Variants in CEP350 observed in about 807,000 individuals in gnomAD.
CEP350 encodes the protein centrosome-associated protein 350.
In CEP350, 126 loss-of-function variants were observed where a neutral mutation model predicts 331.8. The observed-to-expected ratio is 0.38, with a 90% CI of 0.33 to 0.44. The LOEUF (loss-of-function observed/expected upper bound fraction) is 0.44, where lower values mean the gene tolerates loss of function less well. Ranked by LOEUF, CEP350 falls within the 20% of genes least tolerant of loss-of-function variation. CEP350 has a pLI of 1.00. For synonymous variants in CEP350, 1,200 were observed against 1,259.5 expected, an observed-to-expected ratio of 0.95 and a Z score of 1.00; for missense variants, 3,406 against 3,634.6, an observed-to-expected ratio of 0.94 and a Z score of 1.62.
chr1:179,969,548 AG>A (rs1358975870), intron 1 of CEP350: 2 of 365,172 alleles, frequency 5.5e-6, no homozygotes, highest in Non-Finnish European at 1.1e-5. Flanking sequence ...ACATGGAAAC[AG>A]GGTTGATGGA....
At chr1:180,082,643 CAT>C (rs1208665361) in intron 30 of CEP350, among the ~76,000 whole-genome samples, 2 of 152,136 alleles carry the variant, frequency 1.3e-5, no homozygotes, top group East Asian at 1.9e-4. Flanking sequence ...TACTTAAAAA[CAT>C]AAACATTTTC....
chr1:180,076,940 A>G (rs1659255623), intron 28 of CEP350, among the ~76,000 whole-genome samples: 1 of 152,250 alleles, frequency 6.6e-6, no homozygotes. Flanking sequence ...ACTTAATGAT[A>G]AAATATAGAA....
intron 6 of CEP350, among the ~76,000 whole-genome samples, 170 bp downstream of exon 6, chr1:179,997,345 T>C (rs1263477365): frequency 6.6e-6 from 1 of 151,916 alleles, no homozygotes; most frequent in Non-Finnish European, 1.5e-5. Flanking sequence ...ATCAAGACCA[T>C]CCTGGCTAAC....
chr1:179,988,866 G>A (rs1271179753), intron 3 of CEP350, among the ~76,000 whole-genome samples: 1 of 151,976 alleles, frequency 6.6e-6, no homozygotes, highest in African/African-American at 2.4e-5. Context: ...TCCCAATGCA[G>A]AGTCATATTT....
intron 9 of CEP350, 47 bp downstream of exon 9, chr1:180,012,122 T>C: frequency 6.8e-7 from 1 of 1,469,670 alleles, no homozygotes; most frequent in South Asian, 1.3e-5. Flanking sequence ...TAAAAATTGC[T>C]ATTAAGTACT....
intron 14 of CEP350, among the ~76,000 whole-genome samples, chr1:180,025,798 T>C (rs992073523): frequency 2.6e-5 from 4 of 152,056 alleles, no homozygotes; most frequent in Admixed American, 1.3e-4. Flanking sequence ...ACCTAATGCA[T>C]GCGGGGCTTA....
intron 25 of CEP350, among the ~76,000 whole-genome samples, chr1:180,059,606 A>G (rs6676989): frequency 0.81 from 122,375 of 151,270 alleles, 49,802 homozygotes; most frequent in Admixed American, 0.87. Context: ...GTATTTGTGC[A>G]CTTGTTTGAA....
At chr1:180,018,864 T>C (rs895097959) in intron 11 of CEP350, among the ~76,000 whole-genome samples, 3 of 151,088 alleles carry the variant, frequency 2.0e-5, no homozygotes, top group African/African-American at 7.3e-5. Context: ...TTTCTTTTTT[T>C]TTTTTTTTTT....
intron 11 of CEP350, among the ~76,000 whole-genome samples, chr1:180,016,383 G>C (rs766910846): frequency 6.6e-6 from 1 of 152,102 alleles, no homozygotes; most frequent in Non-Finnish European, 1.5e-5. Context: ...GCTACCTTTG[G>C]ATATGCTTGT....
At chr1:180,030,960 C>T (rs893113326) in intron 14 of CEP350, among the ~76,000 whole-genome samples, 1 of 152,098 alleles carries the variant, frequency 6.6e-6, no homozygotes, top group Non-Finnish European at 1.5e-5. Flanking sequence ...GCAGTTGGTA[C>T]GATTTTTCTC....
chr1:180,024,379 A>G, intron 13 of CEP350, 40 bp from the exon 14 acceptor site: 1 of 1,561,682 alleles, frequency 6.4e-7, no homozygotes, highest in Non-Finnish European at 8.7e-7. Context: ...GTGTTGTAAG[A>G]CTTTTCTTTC....
intron 11 of CEP350, 73 bp from the exon 12 acceptor site, chr1:180,019,876 A>G (rs1655209754): frequency 1.4e-6 from 2 of 1,406,362 alleles, no homozygotes; most frequent in Admixed American, 4.7e-5. Flanking sequence ...CATTACTCTT[A>G]TAATCAGATA....
chr1:179,971,309 G>T (rs1284043752), intron 1 of CEP350, among the ~76,000 whole-genome samples: 2 of 152,100 alleles, frequency 1.3e-5, no homozygotes, highest in East Asian at 1.9e-4. Flanking sequence ...GATTATAGGC[G>T]TGAGCCACTG....
chr1:179,975,311 C>T (rs970525886), intron 1 of CEP350, among the ~76,000 whole-genome samples: 1 of 152,108 alleles, frequency 6.6e-6, no homozygotes, highest in African/African-American at 2.4e-5. Context: ...AAGTGTCCAT[C>T]ATGCTAAGGA....
At chr1:180,076,795 A>G (rs1213666128) in intron 28 of CEP350, among the ~76,000 whole-genome samples, 1 of 152,186 alleles carries the variant, frequency 6.6e-6, no homozygotes, top group Non-Finnish European at 1.5e-5. Flanking sequence ...TCTCAAAAAA[A>G]TGAATCAATA....
At chr1:180,056,712 T>G (rs959312201) in intron 25 of CEP350, among the ~76,000 whole-genome samples, 1 of 152,066 alleles carries the variant, frequency 6.6e-6, no homozygotes, top group African/African-American at 2.4e-5. Context: ...TCCCCCCACG[T>G]TGGCCTCCCA....
chr1:180,008,808 A>C (rs1654425654), intron 8 of CEP350, among the ~76,000 whole-genome samples: 1 of 152,118 alleles, frequency 6.6e-6, no homozygotes, highest in African/African-American at 2.4e-5. Context: ...ATGTTATGAG[A>C]CCACCAGGGC....
intron 21 of CEP350, among the ~76,000 whole-genome samples, chr1:180,047,256 A>G (rs1015740416): frequency 1.3e-5 from 2 of 152,198 alleles, no homozygotes; most frequent in Non-Finnish European, 2.9e-5. Flanking sequence ...TGAATAAACC[A>G]AGAAATGTAA....
intron 37 of CEP350, among the ~76,000 whole-genome samples, chr1:180,110,237 A>G (rs1033061867): frequency 6.6e-6 from 1 of 152,200 alleles, no homozygotes; most frequent in African/African-American, 2.4e-5. Flanking sequence ...GTAAATCCAT[A>G]TACAGATGTC....
Sources: allele counts gnomAD v4.1 joint callset (sites outside exome capture counted in the v4.1 genomes callset), GRCh38; gene constraint gnomAD v4.1.1; transcripts MANE v1.5; gene names NCBI Gene and HGNC (gene_info 2026-07-23, HGNC 2026-07-21).